The following IQCH variants were observed in gnomAD, a reference collection of about 807,000 sequenced individuals.
IQCH encodes IQ motif containing H.
In IQCH, 98 loss-of-function variants were observed where a neutral mutation model predicts 117.0. The observed-to-expected ratio is 0.84, with a 90% CI of 0.71 to 0.99. The LOEUF (loss-of-function observed/expected upper bound fraction) is 0.99, where lower values mean the gene tolerates loss of function less well. Among genes scored for constraint, IQCH ranks in the 50% least tolerant of loss-of-function variants. IQCH has a pLI of 0.00. For missense variants in IQCH, 1,102 were observed against 1,243.8 expected (o/e 0.89, Z 1.72); for synonymous variants, 412 against 448.2 (o/e 0.92, Z 1.02).
In IQCH at chr15:67,337,094, A is replaced by G. The variant is rs1968928148; in HGVS notation, c.507A>G (p.Lys169=). 6.2e-7 allele frequency: 1 copy of G among 1,613,102 alleles called. No individual in the cohort carries two copies. Among genetic ancestry groups the G allele is most frequent in the African/African-American group, 1.3e-5 (1 of 74,838 alleles). Residue 169 remains lysine (K), a splice_region_variant and synonymous_variant, in exon 5 of 21, where the codon AAA becomes AAG. Transcript: ENST00000335894. ...PIPVLQADAH[K]GILSMIERGL... The stretch of plus-strand genomic sequence containing the variant: ...CAGTCTTACAAGCAGATGCCCACAA[A>G]GGTTAGTGATTCAATAGCCATTTTA...
intron 17 of IQCH, among the ~76,000 whole-genome samples, chr15:67,468,720 G>A (rs1230175498): frequency 6.6e-6 from 1 of 152,128 alleles, no homozygotes; most frequent in Non-Finnish European, 1.5e-5. Flanking sequence ...ACTGCTACTT[G>A]GATTATTTTA....
intron 4 of IQCH, among the ~76,000 whole-genome samples, chr15:67,335,881 C>T (rs966497994): frequency 1.3e-5 from 2 of 152,088 alleles, no homozygotes; most frequent in African/African-American, 4.8e-5. Context: ...CAGTGGGGGC[C>T]CTAACCCTTT....
intron 6 of IQCH, among the ~76,000 whole-genome samples, chr15:67,347,131 G>A (rs1199800201): frequency 1.4e-5 from 2 of 147,218 alleles, no homozygotes; most frequent in African/African-American, 5.0e-5. Flanking sequence ...AAAAAGAAAA[G>A]CAAATTATAC....
At chr15:67,312,162 C>A (rs894565585) in intron 4 of IQCH, among the ~76,000 whole-genome samples, 1 of 152,078 alleles carries the variant, frequency 6.6e-6, no homozygotes, top group African/African-American at 2.4e-5. Flanking sequence ...GCACAGAGAC[C>A]TGTGTCACAT....
chr15:67,421,718 T>C (rs3743352), intron 16 of IQCH, 141 bp downstream of exon 16: 116,390 of 834,140 alleles, frequency 0.14, 9,098 homozygotes, highest in East Asian at 0.22. Flanking sequence ...TCAACACCTA[T>C]ATGGCCCATG....
rs1162190325 is a variant in IQCH at position 67,463,532 on chromosome 15, CCCTGAACCTCAGTTTCTTCATCTGTGA to C, written c.2506-1593_2506-1567del. ...CCTAACTCAGTGGATTTGGGTACCTCCCTGAACCTCAGTTTCTTCATCTGTGACATGGGGTTGTTATTTTTTAGGCTA... is the reference window on the plus strand; with the variant it reads ...CCTAACTCAGTGGATTTGGGTACCTCCATGGGGTTGTTATTTTTTAGGCTA... On this transcript the variant is annotated intron_variant, in intron 16 of 20. Transcript: ENST00000335894. This position sits in a 1 kb window ranked among gnomAD's most constrained non-coding sequence, Gnocchi z 4.0. Among the ~76,000 whole-genome samples the C allele has an allele frequency of 1.3e-5, 2 of 152,186 alleles. No individual in the cohort carries two copies.
chr15:67,433,727 G>A lies in IQCH; in HGVS notation c.2505+12150G>A, dbSNP rs576486840. 1.3e-5 allele frequency among the ~76,000 whole-genome samples: 2 copies of A among 152,250 alleles called. No homozygotes were observed. Among genetic ancestry groups the A allele is most frequent in the African/African-American group, 4.8e-5 (2 of 41,538 alleles). Reference sequence around the variant, plus strand: ...TGTCTCCAGCAGGTACTACATTTCTGCAGGACTCAGGAGGGCAGGAGGTAG... The same window carrying A: ...TGTCTCCAGCAGGTACTACATTTCTACAGGACTCAGGAGGGCAGGAGGTAG... On this transcript the variant is annotated intron_variant, in intron 16 of 20. Transcript: ENST00000335894. The surrounding 1 kb of genome is among the most constrained non-coding windows in gnomAD (Gnocchi z 5.4).
chr15:67,370,775 G>A lies in IQCH; in HGVS notation c.754-1336G>A, dbSNP rs116674107. Among the ~76,000 whole-genome samples, 724 of 152,264 alleles carry A rather than the reference G, an allele frequency of 4.8e-3. 4 individuals carry two copies. Among genetic ancestry groups the A allele is most frequent in the African/African-American group, 0.017 (700 of 41,542 alleles). On this transcript the variant is annotated intron_variant, in intron 8 of 20. Transcript: ENST00000335894. This position sits in a 1 kb window ranked among gnomAD's most constrained non-coding sequence, Gnocchi z 5.6. The stretch of plus-strand genomic sequence containing the variant: ...CACAAAAAGCTCACTGCTGTTTAAA[G>A]TCTGCTTCTAAAGTGAAAGGAAATT...
intron 1 of IQCH, among the ~76,000 whole-genome samples, chr15:67,260,100 C>T (rs914429559): frequency 2.0e-5 from 3 of 152,212 alleles, no homozygotes; most frequent in Admixed American, 6.5e-5. Flanking sequence ...TTCAAAATGC[C>T]TTTAGCAACC....
At position 67,454,776 on chromosome 15, in the gene IQCH, A is replaced by G. The variant is rs1273365796; in HGVS notation, c.2506-10351A>G. Reference sequence around the variant, plus strand: ...CTTAATAATATCCCATTGTACGGCTATACCACATTTTGTTAATTTATTCAT... The same window carrying G: ...CTTAATAATATCCCATTGTACGGCTGTACCACATTTTGTTAATTTATTCAT... On this transcript the variant is annotated intron_variant, in intron 16 of 20. Coordinates refer to ENST00000335894, the MANE Select transcript of IQCH (RefSeq NM_001031715.3). This position sits in a 1 kb window ranked among gnomAD's most constrained non-coding sequence, Gnocchi z 5.2. Among the ~76,000 whole-genome samples, 2 of 152,212 alleles carry G rather than the reference A, an allele frequency of 1.3e-5. No homozygotes were observed. The highest frequency in any genetic ancestry group is 2.9e-5 in the Non-Finnish European group (2 of 68,046).
rs939690795 is a variant in IQCH at position 67,454,723 on chromosome 15, T to C, written c.2506-10404T>C. On this transcript the variant is annotated intron_variant, in intron 16 of 20. Coordinates refer to ENST00000335894, the MANE Select transcript of IQCH (RefSeq NM_001031715.3). This position sits in a 1 kb window ranked among gnomAD's most constrained non-coding sequence, Gnocchi z 5.2. ...TTCAAGGTTCCATCATGTTGTAGCA[T>C]ATATCAATGCTTTGTTCCTTTTCAT... 6.6e-6 allele frequency among the ~76,000 whole-genome samples: 1 copy of C among 152,236 alleles called. No individual in the cohort carries two copies. Among genetic ancestry groups the C allele is most frequent in the Non-Finnish European group, 1.5e-5 (1 of 68,038 alleles).
chr15:67,330,582 G>A (rs1048357704), intron 4 of IQCH, among the ~76,000 whole-genome samples: 4 of 152,238 alleles, frequency 2.6e-5, no homozygotes, highest in South Asian at 4.1e-4. Context: ...TGGCAGAGTG[G>A]TAGGACATAG....
Position 67,466,638 on chromosome 15 carries a change from C to T in IQCH, c.2676+1341C>T. On this transcript the variant is annotated intron_variant, in intron 17 of 20. Coordinates refer to ENST00000335894, the MANE Select transcript of IQCH (RefSeq NM_001031715.3). The surrounding 1 kb of genome is among the most constrained non-coding windows in gnomAD (Gnocchi z 4.4). ...GGGGGCTCAGGCAGCTTTTTCCTTT[C>T]CCTCTTCTTCATCCAGTTGCCCAAT... 1 of 152,342 alleles carries T rather than the reference C, an allele frequency of 6.6e-6. No individual in the cohort carries two copies. 9.4% of individuals were successfully genotyped at this position (152,342 alleles called of 1,614,324 possible). A position where few individuals can be genotyped will look rare whatever the true frequency, so the allele number is the denominator to read the frequency against.
In IQCH at chr15:67,366,600, G is replaced by A. The variant is rs189999907; in HGVS notation, c.754-5511G>A. ...TGCTGCTGATCTGAGTGGCCTTTAC[G>A]CTCAAGTCTCTTCTTTTATATATCT... On this transcript the variant is annotated intron_variant, in intron 8 of 20. Transcript: ENST00000335894. The surrounding 1 kb of genome is among the most constrained non-coding windows in gnomAD (Gnocchi z 4.4). Among the ~76,000 whole-genome samples, 13 of 152,126 alleles carry A rather than the reference G, an allele frequency of 8.5e-5. 1 individual carries two copies. The highest frequency in any genetic ancestry group is 2.2e-4 in the African/African-American group (9 of 41,424).
intron 10 of IQCH, among the ~76,000 whole-genome samples, chr15:67,379,313 A>G (rs1226914275): frequency 6.6e-6 from 1 of 152,226 alleles, no homozygotes; most frequent in East Asian, 1.9e-4. Context: ...ACTTTATACT[A>G]AACTCCACAA....
At chr15:67,357,480 G>C (rs1365536376) in intron 7 of IQCH, 59 bp downstream of exon 7, 1 of 1,078,806 alleles carries the variant, frequency 9.3e-7, no homozygotes, top group Non-Finnish European at 1.4e-6. Flanking sequence ...CTTTCTGTGA[G>C]ATATTTGGTG....
intron 4 of IQCH, among the ~76,000 whole-genome samples, chr15:67,282,794 C>A (rs986693642): frequency 5.9e-5 from 9 of 151,978 alleles, no homozygotes; most frequent in African/African-American, 2.2e-4. Flanking sequence ...TCTCTCTCAC[C>A]AAAAGTGGAT....
chr15:67,423,590 A>G (rs76535796), intron 16 of IQCH, among the ~76,000 whole-genome samples: 3 of 149,208 alleles, frequency 2.0e-5, no homozygotes, highest in Non-Finnish European at 4.5e-5. Flanking sequence ...CCTGTCTCAA[A>G]AAAAAAAAAA....
rs768687243 is a variant in IQCH, at chr15:67,443,776, AT to A, written c.2506-21350del. ...AGCTCAGATCTGAAGTATAGCACTG[AT>A]GGCCAGAGTAATTACGAATGATAAT... is the stretch of plus-strand genomic sequence containing the variant. On this transcript the variant is annotated intron_variant, in intron 16 of 20. Transcript: ENST00000335894. This position sits in a 1 kb window ranked among gnomAD's most constrained non-coding sequence, Gnocchi z 5.0. Among the ~76,000 whole-genome samples the A allele has an allele frequency of 6.6e-6, 1 of 152,232 alleles. No individual in the cohort carries two copies. The highest frequency in any genetic ancestry group is 1.5e-5 in the Non-Finnish European group (1 of 68,046).
Sources: gnomAD v4.1 joint callset for allele counts (sites outside exome capture counted in the v4.1 genomes callset) on GRCh38, gnomAD v4.1.1 for gene constraint, Gnocchi (gnomAD v3.1) non-coding constraint, MANE v1.5 for transcripts, NCBI Gene and HGNC (gene_info 2026-07-23, HGNC 2026-07-21) for gene names.